The following PARD3B variants were observed in gnomAD, a reference collection of about 807,000 sequenced individuals.
The protein encoded by PARD3B is par-3 family cell polarity regulator beta.
In PARD3B, 103 loss-of-function variants were observed where a neutral mutation model predicts 130.2. That is an observed-to-expected ratio of 0.79 (90% CI 0.67 to 0.93). The LOEUF (loss-of-function observed/expected upper bound fraction) is 0.93, where lower values mean the gene tolerates loss of function less well. PARD3B is among the 40% of genes least tolerant of loss of function. The pLI is 0.00. For synonymous variants in PARD3B, 583 were observed against 553.2 expected, an observed-to-expected ratio of 1.05 and a Z score of -0.76; for missense variants, 1,609 against 1,499.2, an observed-to-expected ratio of 1.07 and a Z score of -1.21.
intron 4 of PARD3B, among the ~76,000 whole-genome samples, chr2:205,061,837 A>C (rs897714585): frequency 6.6e-6 from 1 of 151,894 alleles, no homozygotes; most frequent in African/African-American, 2.4e-5. Flanking sequence ...TTCTTAAGGC[A>C]ATATTGGAAC....
chr2:205,162,997 T>G (rs1297336444), intron 11 of PARD3B, among the ~76,000 whole-genome samples: 1 of 152,186 alleles, frequency 6.6e-6, no homozygotes, highest in Non-Finnish European at 1.5e-5. Flanking sequence ...CTTCCTTAAG[T>G]TGCTTGTTTT....
intron 22 of PARD3B, among the ~76,000 whole-genome samples, chr2:205,577,948 CT>C (rs1575407852): frequency 2.6e-5 from 4 of 152,168 alleles, no homozygotes; most frequent in Admixed American, 2.6e-4. Flanking sequence ...GATAAGAATA[CT>C]GCTGATGGAA....
At chr2:204,642,712 T>C (rs1025377454) in intron 1 of PARD3B, among the ~76,000 whole-genome samples, 2 of 152,038 alleles carry the variant, frequency 1.3e-5, no homozygotes, top group African/African-American at 4.8e-5. Flanking sequence ...TGTCGAATTG[T>C]AATTTCCAGT....
intron 20 of PARD3B, among the ~76,000 whole-genome samples, chr2:205,494,148 C>A (rs941280186): frequency 2.0e-5 from 3 of 152,154 alleles, no homozygotes; most frequent in Non-Finnish European, 4.4e-5. Flanking sequence ...AAGGCCAACA[C>A]CTCTCCTTCC....
At chr2:205,227,229 T>G (rs1455229180) in intron 15 of PARD3B, among the ~76,000 whole-genome samples, 1 of 152,144 alleles carries the variant, frequency 6.6e-6, no homozygotes, top group Non-Finnish European at 1.5e-5. Flanking sequence ...AATCTGATGT[T>G]TGTTGATTTT....
At chr2:205,387,543 G>A (rs1273102816) in intron 18 of PARD3B, among the ~76,000 whole-genome samples, 2 of 152,180 alleles carry the variant, frequency 1.3e-5, no homozygotes, top group Admixed American at 6.5e-5. Context: ...ATGGGTCCTG[G>A]AGAGTGTTAG....
intron 3 of PARD3B, among the ~76,000 whole-genome samples, chr2:204,992,425 C>T (rs1275165762): frequency 7.9e-6 from 1 of 126,366 alleles, no homozygotes; most frequent in African/African-American, 3.0e-5. Flanking sequence ...CTGTTCTGTT[C>T]CATTGATCTA....
intron 22 of PARD3B, among the ~76,000 whole-genome samples, chr2:205,561,894 T>C: frequency 6.6e-6 from 1 of 152,178 alleles, no homozygotes; most frequent in East Asian, 1.9e-4. Context: ...TCATCCTTTC[T>C]CTTAAGGTTC....
At chr2:204,546,960 G>T (rs373661855) in intron 1 of PARD3B, among the ~76,000 whole-genome samples, 17 of 152,306 alleles carry the variant, frequency 1.1e-4, no homozygotes, top group African/African-American at 3.6e-4. Flanking sequence ...AACTTTTAAA[G>T]GAAGGCATTG....
chr2:205,477,605 A>T (rs76648018), intron 20 of PARD3B, among the ~76,000 whole-genome samples: 1 of 151,946 alleles, frequency 6.6e-6, no homozygotes, highest in Non-Finnish European at 1.5e-5. Flanking sequence ...TTAAAAAAAA[A>T]AATAAGCACA....
rs2053210752 is a variant in PARD3B at position 205,563,492 on chromosome 2, G to A, written c.3260+10089G>A. On this transcript the variant is annotated intron_variant, in intron 22 of 22. Coordinates refer to ENST00000406610, the MANE Select transcript of PARD3B (RefSeq NM_001302769.2). This position sits in a 1 kb window ranked among gnomAD's most constrained non-coding sequence, Gnocchi z 4.2. Reference sequence around the variant, plus strand: ...GACCCCACATGACTAACATTGGCAAGTCAAGGAGAGGTTGGAATGCTTACA... The same window carrying A: ...GACCCCACATGACTAACATTGGCAAATCAAGGAGAGGTTGGAATGCTTACA... 6.6e-6 allele frequency among the ~76,000 whole-genome samples: 1 copy of A among 152,134 alleles called. No individual in the cohort carries two copies. The highest frequency in any genetic ancestry group is 2.1e-4 in the South Asian group (1 of 4,824).
intron 21 of PARD3B, among the ~76,000 whole-genome samples, chr2:205,520,483 C>T (rs1033241015): frequency 6.6e-6 from 1 of 152,010 alleles, no homozygotes; most frequent in African/African-American, 2.4e-5. Context: ...AGGGAGTTGC[C>T]GAGTTGCTAC....
chr2:205,070,957 G>T (rs1177624370), intron 4 of PARD3B, among the ~76,000 whole-genome samples: 1 of 151,758 alleles, frequency 6.6e-6, no homozygotes, highest in Non-Finnish European at 1.5e-5. Flanking sequence ...CTATAACTGG[G>T]GCTATTTGAT....
chr2:205,553,397 T>A lies in PARD3B; in HGVS notation c.3254T>A (p.Leu1085Ter). The A allele has an allele frequency of 6.2e-7, 1 of 1,613,896 alleles. No homozygotes were observed. The highest frequency in any genetic ancestry group is 1.1e-5 in the South Asian group (1 of 91,064). Residue 1085 changes from leucine (L) to a stop codon, truncating the protein, a stop_gained, in exon 22 of 23, where the codon TTA (leucine) becomes TAA (stop). Transcript: ENST00000406610. LOFTEE classifies it high-confidence loss of function. ...FEGMERQYAS[L>*]PRGGPADPVD... ...GGGATGGAGAGGCAGTACGCATCCTTACCCAGGTAGATCACGGAGAGGTCT... is the reference window on the plus strand; with the variant it reads ...GGGATGGAGAGGCAGTACGCATCCTAACCCAGGTAGATCACGGAGAGGTCT...
chr2:205,182,583 A>G (rs1197720329), intron 13 of PARD3B, among the ~76,000 whole-genome samples: 2 of 152,212 alleles, frequency 1.3e-5, no homozygotes, highest in Admixed American at 1.3e-4. Context: ...ACATAGATAA[A>G]TAGATAATAG....
chr2:205,552,475 G>A (rs1265038055), intron 21 of PARD3B, among the ~76,000 whole-genome samples: 3 of 152,106 alleles, frequency 2.0e-5, no homozygotes, highest in African/African-American at 7.2e-5. Flanking sequence ...GTGGCGTGAT[G>A]TGGGCTCACT....
intron 4 of PARD3B, among the ~76,000 whole-genome samples, chr2:205,095,322 T>G (rs1360639188): frequency 6.6e-6 from 1 of 152,130 alleles, no homozygotes; most frequent in Non-Finnish European, 1.5e-5. Context: ...AGTCTTGTAT[T>G]TGAAAAAATT....
In PARD3B at chr2:204,664,828, A is replaced by C. The variant is rs1002932519; in HGVS notation, c.121-21353A>C. Among the ~76,000 whole-genome samples the C allele has an allele frequency of 6.6e-6, 1 of 152,176 alleles. No homozygotes were observed. The highest frequency in any genetic ancestry group is 2.4e-5 in the African/African-American group (1 of 41,454). On this transcript the variant is annotated intron_variant, in intron 1 of 22. Transcript: ENST00000406610. The surrounding 1 kb of genome is among the most constrained non-coding windows in gnomAD (Gnocchi z 5.2). Reference sequence around the variant, plus strand: ...AATGCATACAGGATGAGGTAGCCTGAAACAGTTTGAGGTATAATCAGTGTC... The same window carrying C: ...AATGCATACAGGATGAGGTAGCCTGCAACAGTTTGAGGTATAATCAGTGTC...
intron 2 of PARD3B, among the ~76,000 whole-genome samples, chr2:204,839,264 C>A (rs2044174883): frequency 6.6e-6 from 1 of 152,152 alleles, no homozygotes; most frequent in Non-Finnish European, 1.5e-5. Context: ...GCATAAATTT[C>A]TCTGGTCAAG....
Sources: allele counts gnomAD v4.1 joint callset (sites outside exome capture counted in the v4.1 genomes callset), GRCh38; gene constraint gnomAD v4.1.1; non-coding constraint Gnocchi (gnomAD v3.1); transcripts MANE v1.5; gene names NCBI Gene and HGNC (gene_info 2026-07-23, HGNC 2026-07-21).